LIN28B: variants seen among roughly 807,000 people sequenced by gnomAD.
The protein encoded by LIN28B is protein lin-28 homolog B.
In LIN28B, 5 loss-of-function variants were observed where a neutral mutation model predicts 21.9. The observed-to-expected ratio is 0.23, with a 90% CI of 0.12 to 0.48. The LOEUF (loss-of-function observed/expected upper bound fraction) is 0.48, where lower values mean the gene tolerates loss of function less well. LIN28B is among the 20% of genes least tolerant of loss of function. The pLI, the probability that LIN28B is intolerant of heterozygous loss-of-function variation, is 0.98. For synonymous variants in LIN28B, 109 were observed against 111.3 expected (o/e 0.98, Z 0.13); for missense variants, 245 against 310.5 (o/e 0.79, Z 1.58).
intron 3 of LIN28B, among the ~76,000 whole-genome samples, chr6:105,047,316 T>G (rs2114377463): frequency 6.6e-6 from 1 of 152,324 alleles, no homozygotes; most frequent in African/African-American, 2.4e-5. Context: ...TTGTCAAAGA[T>G]CAGATGGTTG....
chr6:104,997,398 T>A (rs1332870867), intron 2 of LIN28B, among the ~76,000 whole-genome samples: 2 of 152,016 alleles, frequency 1.3e-5, no homozygotes, highest in Non-Finnish European at 2.9e-5. Context: ...TTATATAGTA[T>A]TTCGTATATA....
intron 3 of LIN28B, among the ~76,000 whole-genome samples, chr6:105,050,283 A>G (rs1771871015): frequency 6.6e-6 from 1 of 152,096 alleles, no homozygotes; most frequent in Admixed American, 6.6e-5. Context: ...CTGGATATGA[A>G]ATTCTGGGTT....
At chr6:105,007,275 A>G (rs1350707931) in intron 2 of LIN28B, among the ~76,000 whole-genome samples, 1 of 152,210 alleles carries the variant, frequency 6.6e-6, no homozygotes. Context: ...TGAATTTATT[A>G]TTCAAAACAA....
At chr6:105,031,929 G>A (rs1771433365) in intron 3 of LIN28B, among the ~76,000 whole-genome samples, 1 of 151,938 alleles carries the variant, frequency 6.6e-6, no homozygotes, top group Non-Finnish European at 1.5e-5. Flanking sequence ...TATCTATAAT[G>A]GTTACCCCTT....
At chr6:105,063,440 A>T (rs1379494962) in intron 3 of LIN28B, among the ~76,000 whole-genome samples, 1 of 152,242 alleles carries the variant, frequency 6.6e-6, no homozygotes, top group Non-Finnish European at 1.5e-5. Context: ...GTTCAAGACC[A>T]GCCTGGCCAA....
At position 105,081,870 on chromosome 6, in the gene LIN28B, C is replaced by T. The variant is rs1420943485; in HGVS notation, c.*3087C>T. ...TATTGCAGCATTATAGCCCCAGGCA[C>T]ATAACTAACTAGCACTGGCTTGCCA... On this transcript the variant is annotated 3_prime_UTR_variant, in exon 4 of 4. Transcript: ENST00000345080. 1 of 152,646 alleles carries T rather than the reference C, an allele frequency of 6.6e-6. No individual in the cohort carries two copies. The highest frequency in any genetic ancestry group is 1.5e-5 in the Non-Finnish European group (1 of 68,064). 9.5% of individuals were successfully genotyped at this position (152,646 alleles called of 1,614,324 possible). A position where few individuals can be genotyped will look rare whatever the true frequency, so the allele number is the denominator to read the frequency against.
chr6:105,025,349 T>G (rs545193285), intron 2 of LIN28B, among the ~76,000 whole-genome samples: 35 of 152,300 alleles, frequency 2.3e-4, no homozygotes, highest in African/African-American at 8.2e-4. Flanking sequence ...TATTTTGAAC[T>G]GGCACATTGA....
chr6:105,012,518 T>G (rs1201884112), intron 2 of LIN28B, among the ~76,000 whole-genome samples: 2 of 152,046 alleles, frequency 1.3e-5, no homozygotes, highest in Admixed American at 6.6e-5. Flanking sequence ...TATCGTTTGT[T>G]TCTGACCCTG....
At chr6:104,984,628 G>C (rs187729898) in intron 2 of LIN28B, among the ~76,000 whole-genome samples, 44 of 152,036 alleles carry the variant, frequency 2.9e-4, no homozygotes, top group Admixed American at 2.2e-3. Flanking sequence ...TAGAGTCAGG[G>C]TCTCATTATG....
At chr6:104,955,133 T>A (rs970120872), upstream of LIN28B, among the ~76,000 whole-genome samples, 1 of 152,246 alleles carries the variant, frequency 6.6e-6, no homozygotes, top group African/African-American at 2.4e-5. Flanking sequence ...CTCGATTTCA[T>A]ATTATGTCAC....
At chr6:104,991,349 C>T (rs1347566358) in intron 2 of LIN28B, among the ~76,000 whole-genome samples, 8 of 147,546 alleles carry the variant, frequency 5.4e-5, no homozygotes, top group Non-Finnish European at 1.2e-4. Flanking sequence ...GGCGGCCGGG[C>T]AGAGACGCTC....
intron 2 of LIN28B, among the ~76,000 whole-genome samples, chr6:105,020,991 G>A (rs999408822): frequency 1.3e-5 from 2 of 151,590 alleles, no homozygotes; most frequent in Admixed American, 6.6e-5. Context: ...TCCTGACCTC[G>A]TAATCCACCC....
At chr6:104,942,007 A>T (rs1778101411) in intron 2 of LIN28B, among the ~76,000 whole-genome samples, 1 of 152,180 alleles carries the variant, frequency 6.6e-6, no homozygotes, top group African/African-American at 2.4e-5. Flanking sequence ...ATGAAATCTT[A>T]GGTGCCTGTG....
chr6:105,010,783 A>G lies in LIN28B; in HGVS notation c.199-15515A>G, dbSNP rs1033416149. Among the ~76,000 whole-genome samples, 4 of 152,278 alleles carry G rather than the reference A, an allele frequency of 2.6e-5. No homozygotes were observed. The South Asian group carries it at 6.2e-4, about 24-fold the overall frequency. On this transcript the variant is annotated intron_variant, in intron 2 of 3. Coordinates refer to ENST00000345080, the MANE Select transcript of LIN28B (RefSeq NM_001004317.4). Reference sequence around the variant, plus strand: ...CATTCAATAACTATGACACATGTCTACCCTTTTGTAACTCAAACCCATCTC... The same window carrying G: ...CATTCAATAACTATGACACATGTCTGCCCTTTTGTAACTCAAACCCATCTC...
intron 2 of LIN28B, among the ~76,000 whole-genome samples, chr6:104,988,145 A>G (rs1770386405): frequency 6.6e-6 from 1 of 152,210 alleles, no homozygotes; most frequent in African/African-American, 2.4e-5. Context: ...CAACTCGGGG[A>G]AAATGTTTAA....
chr6:105,038,017 C>T (rs79145082), intron 3 of LIN28B, among the ~76,000 whole-genome samples: 1,837 of 152,078 alleles, frequency 0.012, 17 homozygotes, highest in Non-Finnish European at 0.02. Flanking sequence ...GAAGGAAATA[C>T]AGGATAATAT....
chr6:104,953,757 G>T (rs1361559616), upstream of LIN28B, among the ~76,000 whole-genome samples: 1 of 152,218 alleles, frequency 6.6e-6, no homozygotes, highest in East Asian at 1.9e-4. Flanking sequence ...GGAGAGGCGG[G>T]TTGCGATGGC....
At position 105,047,679 on chromosome 6, in the gene LIN28B, C is replaced by T. The variant is rs190034782; in HGVS notation, c.383+21197C>T. On this transcript the variant is annotated intron_variant, in intron 3 of 3. Coordinates refer to ENST00000345080, the MANE Select transcript of LIN28B (RefSeq NM_001004317.4). ...GGAATGTTCTTCCGTTTGTTTGTGT[C>T]CTCTTTTATTTCACTGAGCAGTGGT... Among the ~76,000 whole-genome samples, 371 of 152,222 alleles carry T rather than the reference C, an allele frequency of 2.4e-3. 3 individuals carry two copies. The highest frequency in any genetic ancestry group is 8.5e-3 in the African/African-American group (352 of 41,534).
At chr6:105,011,928 G>A (rs1770931994) in intron 2 of LIN28B, among the ~76,000 whole-genome samples, 1 of 152,156 alleles carries the variant, frequency 6.6e-6, no homozygotes, top group Admixed American at 6.5e-5. Flanking sequence ...AGGAGGCCGA[G>A]GCAGGCAGAT....
Sources: allele counts gnomAD v4.1 joint callset (sites outside exome capture counted in the v4.1 genomes callset), GRCh38; gene constraint gnomAD v4.1.1; transcripts MANE v1.5; gene names NCBI Gene and HGNC (gene_info 2026-07-23, HGNC 2026-07-21).